CNTN2: variants seen among roughly 807,000 people sequenced by gnomAD.
CNTN2 encodes contactin 2, also known as contactin-2.
In CNTN2, 53 loss-of-function variants were observed where a neutral mutation model predicts 117.5. The observed-to-expected ratio is 0.45, with a 90% confidence interval of 0.36 to 0.57. CNTN2 has a LOEUF of 0.57. Among genes scored for constraint, CNTN2 ranks in the 20% least tolerant of loss-of-function variants. The pLI, the probability that CNTN2 is intolerant of heterozygous loss-of-function variation, is 0.00. For missense variants in CNTN2, 1,106 were observed against 1,404.3 expected (o/e 0.79, Z 3.39); for synonymous variants, 530 against 561.7 (o/e 0.94, Z 0.80).
In CNTN2 at chr1:205,065,776, TC is replaced by T. The variant is rs745728358; in HGVS notation, c.1696-9del. On this transcript the variant is annotated splice_polypyrimidine_tract_variant and intron_variant, in intron 13 of 22. Coordinates refer to ENST00000331830, the MANE Select transcript of CNTN2 (RefSeq NM_005076.5). This position sits in a 1 kb window ranked among gnomAD's most constrained non-coding sequence, Gnocchi z 4.1. ...TGGTCTGACCTGCTGCCCCTAACTGTCCCCGTGTGCAGAAGGAGACCATTGG... is the reference window on the plus strand; with the variant it reads ...TGGTCTGACCTGCTGCCCCTAACTGTCCCGTGTGCAGAAGGAGACCATTGG... 3.1e-6 allele frequency: 3 copies of T among 968,850 alleles called. No individual in the cohort carries two copies. The African/African-American group carries it at 4.8e-5, about 16-fold the overall frequency. The allele number at this position is 968,850 out of a possible 1,614,324, so 60.0% of individuals were successfully genotyped here. A position where few individuals can be genotyped will look rare whatever the true frequency, so the allele number is the denominator to read the frequency against.
chr1:205,045,685 G>A (rs995142889), intron 1 of CNTN2, among the ~76,000 whole-genome samples: 3 of 152,178 alleles, frequency 2.0e-5, no homozygotes, highest in East Asian at 3.9e-4. Flanking sequence ...CCAGGGGGTT[G>A]GAGAAGAGGT....
intron 2 of CNTN2, among the ~76,000 whole-genome samples, chr1:205,056,842 A>C (rs941430670): frequency 1.3e-5 from 2 of 152,188 alleles, no homozygotes; most frequent in African/African-American, 2.4e-5. Context: ...CTGCAGCAGG[A>C]CAATGATGCA....
rs1558553460 is a variant in CNTN2, at chr1:205,069,956, G to A, written c.2326G>A (p.Glu776Lys). ...ADAQYFVYSN[E>K]SVRPYTPFEV... ...TGCCCAGTACTTTGTCTACAGCAAC[G>A]AGAGCGTCCGGCCCTACACGCCCTT... The change falls in exon 18 of 23, where the codon GAG (glutamate) becomes AAG (lysine). Residue 776 changes from glutamate to lysine, a missense_variant. Glu to Lys is a moderately conservative substitution (Grantham distance 56). Coordinates refer to ENST00000331830, the MANE Select transcript of CNTN2 (RefSeq NM_005076.5). 2 of 1,613,742 alleles carry A rather than the reference G, an allele frequency of 1.2e-6. No individual in the cohort carries two copies. Among genetic ancestry groups the A allele is most frequent in the Non-Finnish European group, 1.7e-6 (2 of 1,180,032 alleles).
intron 16 of CNTN2, chr1:205,069,281 G>C: frequency 1.8e-6 from 1 of 558,026 alleles, no homozygotes; most frequent in Non-Finnish European, 3.2e-6. Flanking sequence ...GACTTGCCCA[G>C]GGAAGCACAG....
In CNTN2 at chr1:205,064,308, C is replaced by G; in HGVS notation, c.1241-14C>G. 1 of 1,547,436 alleles carries G rather than the reference C, an allele frequency of 6.5e-7. No individual in the cohort carries two copies. The highest frequency in any genetic ancestry group is 2.1e-5 in the Admixed American group (1 of 48,592). On this transcript the variant is annotated splice_polypyrimidine_tract_variant and intron_variant, in intron 10 of 22. Transcript: ENST00000331830. ...GACAGTACTTTTCTCTGTGGCTCTC[C>G]CCTTTCCTTCTAGCACTCGCCCCTG...
rs778415451 is a variant in CNTN2, at chr1:205,061,292, C to T, written c.845C>T (p.Pro282Leu). ...KWRKVDGSLS[P>L]QWTTAEPTLQ... ...CGCAAAGTGGACGGCTCCCTGTCCC[C>T]GCAGTGGACCACAGCTGAGCCCACC... Residue 282 changes from proline (P) to leucine (L), a missense_variant, in exon 8 of 23, where the codon CCG (proline) becomes CTG (leucine). Physicochemically the swap from Pro to Leu is moderately conservative, Grantham distance 98 (BLOSUM62 -3). Transcript: ENST00000331830. The surrounding 1 kb of genome is among the most constrained non-coding windows in gnomAD (Gnocchi z 4.8). 1.8e-5 allele frequency: 29 copies of T among 1,613,876 alleles called. No individual in the cohort carries two copies. Among genetic ancestry groups the T allele is most frequent in the Middle Eastern group, 3.3e-4 (2 of 6,074 alleles).
rs1245826002 is a variant in CNTN2 at position 205,075,680 on chromosome 1, C to G, written c.*1915C>G. On this transcript the variant is annotated 3_prime_UTR_variant, in exon 23 of 23. Coordinates refer to ENST00000331830, the MANE Select transcript of CNTN2 (RefSeq NM_005076.5). ...CCTTTTCCCTGCCACAGCCAAACCC[C>G]CACTGCACCCTACCCACCCACCCCT... is the stretch of plus-strand genomic sequence containing the variant. 6.6e-6 allele frequency: 1 copy of G among 152,274 alleles called. No individual in the cohort carries two copies. Among genetic ancestry groups the G allele is most frequent in the East Asian group, 1.9e-4 (1 of 5,166 alleles). The allele number at this position is 152,274 out of a possible 1,614,324, so 9.4% of individuals were successfully genotyped here. A position where few individuals can be genotyped will look rare whatever the true frequency, so the allele number is the denominator to read the frequency against.
chr1:205,065,748 C>T lies in CNTN2; in HGVS notation c.1696-41C>T, dbSNP rs778958043. On this transcript the variant is annotated intron_variant, in intron 13 of 22. Coordinates refer to ENST00000331830, the MANE Select transcript of CNTN2 (RefSeq NM_005076.5). This position sits in a 1 kb window ranked among gnomAD's most constrained non-coding sequence, Gnocchi z 4.1. Reference sequence around the variant, plus strand: ...CATGGCCTGCTGCACTGGTCAGGGCCGGTGGTCTGACCTGCTGCCCCTAAC... The same window carrying T: ...CATGGCCTGCTGCACTGGTCAGGGCTGGTGGTCTGACCTGCTGCCCCTAAC... The T allele has an allele frequency of 3.1e-6, 5 of 1,613,528 alleles. No individual in the cohort carries two copies. Among genetic ancestry groups the T allele is most frequent in the East Asian group, 2.2e-5 (1 of 44,868 alleles).
At chr1:205,062,370 C>T (rs536703590) in intron 9 of CNTN2, 70 bp from the exon 10 acceptor site, 5 of 1,544,146 alleles carry the variant, frequency 3.2e-6, no homozygotes, top group African/African-American at 1.4e-5. Context: ...CTGCTCCCAC[C>T]CCTGCCAACC....
intron 1 of CNTN2, among the ~76,000 whole-genome samples, chr1:205,049,282 ACACACACAC>A (rs1558534841): frequency 2.5e-3 from 120 of 48,872 alleles, no homozygotes; most frequent in African/African-American, 0.01. Flanking sequence ...CTCACACCCG[ACACACACAC>A]ACACACACAC....
intron 1 of CNTN2, among the ~76,000 whole-genome samples, chr1:205,045,027 C>A (rs192504544): frequency 1.2e-4 from 18 of 152,280 alleles, no homozygotes; most frequent in Non-Finnish European, 2.2e-4. Context: ...GGAGGTGAGA[C>A]AGACAGGAAA....
In CNTN2 at chr1:205,065,799, T is replaced by C. The variant is rs372229713; in HGVS notation, c.1706T>C (p.Ile569Thr). 9.8e-5 allele frequency: 143 copies of C among 1,457,688 alleles called. No homozygotes were observed. Among genetic ancestry groups the C allele is most frequent in the African/African-American group, 1.9e-4 (13 of 68,260 alleles). 90.3% of individuals were successfully genotyped at this position (1,457,688 alleles called of 1,614,324 possible). A position where few individuals can be genotyped will look rare whatever the true frequency, so the allele number is the denominator to read the frequency against. ...TGTCCCCGTGTGCAGAAGGAGACCATTGGGGATCTGACCATCCTGAACGCC... is the reference window on the plus strand; with the variant it reads ...TGTCCCCGTGTGCAGAAGGAGACCACTGGGGATCTGACCATCCTGAACGCC... ...HYRRTNVKETIGDLTILNAQL... is the reference protein window; with the variant it reads ...HYRRTNVKETTGDLTILNAQL... Residue 569 changes from isoleucine (I) to threonine (T), a missense_variant, in exon 14 of 23, where the codon ATT (isoleucine) becomes ACT (threonine). Physicochemically the swap from Ile to Thr is moderately conservative, Grantham distance 89 (BLOSUM62 -1). Transcript: ENST00000331830. The surrounding 1 kb of genome is among the most constrained non-coding windows in gnomAD (Gnocchi z 4.1).
Position 205,065,679 on chromosome 1 carries a change from TG to T in CNTN2, c.1696-108del. 1.0e-6 allele frequency: 1 copy of T among 968,558 alleles called. No individual in the cohort carries two copies. Among genetic ancestry groups the T allele is most frequent in the Non-Finnish European group, 1.5e-6 (1 of 663,374 alleles). The allele number at this position is 968,558 out of a possible 1,614,324, so 60.0% of individuals were successfully genotyped here. A position where few individuals can be genotyped will look rare whatever the true frequency, so the allele number is the denominator to read the frequency against. ...GAAAACTGAGATCCAGTGGGGTCCATGGATGTCATGGAGTAGGGGACTCCCA... is the reference window on the plus strand; with the variant it reads ...GAAAACTGAGATCCAGTGGGGTCCATGATGTCATGGAGTAGGGGACTCCCA... On this transcript the variant is annotated intron_variant, in intron 13 of 22. Coordinates refer to ENST00000331830, the MANE Select transcript of CNTN2 (RefSeq NM_005076.5). The surrounding 1 kb of genome is among the most constrained non-coding windows in gnomAD (Gnocchi z 4.1).
In CNTN2 at chr1:205,058,473, G is replaced by T; in HGVS notation, c.392-95G>T. 6.4e-7 allele frequency: 1 copy of T among 1,550,412 alleles called. No homozygotes were observed. The highest frequency in any genetic ancestry group is 8.8e-7 in the Non-Finnish European group (1 of 1,130,676). On this transcript the variant is annotated intron_variant, in intron 4 of 22. Coordinates refer to ENST00000331830, the MANE Select transcript of CNTN2 (RefSeq NM_005076.5). This position sits in a 1 kb window ranked among gnomAD's most constrained non-coding sequence, Gnocchi z 4.3. ...GGGCCTTCCTGACCTCACATGACAT[G>T]CCTTAGTGAACTGCTGCTTCTCCGT...
intron 20 of CNTN2, 129 bp downstream of exon 20, chr1:205,072,262 A>G (rs537483297): frequency 1.0e-4 from 105 of 1,000,770 alleles, no homozygotes; most frequent in Non-Finnish European, 1.5e-4. Context: ...GAAATTAGGC[A>G]GCGAGCCTAA....
In CNTN2 at chr1:205,058,306, C is replaced by A; in HGVS notation, c.341C>A (p.Ser114Tyr). The stretch of plus-strand genomic sequence containing the variant: ...GCCGGGGTCTACCAGTGCCTGGCCT[C>A]CAACCCAGTGGGCACCGTTGTCAGC... ...QDAGVYQCLA[S>Y]NPVGTVVSRE... The change falls in exon 4 of 23, where the codon TCC becomes TAC. Residue 114 changes from serine (S) to tyrosine (Y), a missense_variant. By Grantham distance (144) the Ser-to-Tyr change is moderately radical. Coordinates refer to ENST00000331830, the MANE Select transcript of CNTN2 (RefSeq NM_005076.5). This position sits in a 1 kb window ranked among gnomAD's most constrained non-coding sequence, Gnocchi z 4.3. 2 of 1,529,022 alleles carry A rather than the reference C, an allele frequency of 1.3e-6. No individual in the cohort carries two copies. Among genetic ancestry groups the A allele is most frequent in the Non-Finnish European group, 1.8e-6 (2 of 1,136,926 alleles). 94.7% of individuals were successfully genotyped at this position (1,529,022 alleles called of 1,614,324 possible).
Position 205,078,269 on chromosome 1 carries a change from A to T in CNTN2, c.*4504A>T, listed in dbSNP as rs533739136. ...GGCTTTACCTAATACAGTGGCAGTA[A>T]ACAATGCTTATGTGATGGTACTGCT... On this transcript the variant is annotated 3_prime_UTR_variant, in exon 23 of 23. Transcript: ENST00000331830. 5 of 152,348 alleles carry T rather than the reference A, an allele frequency of 3.3e-5. No homozygotes were observed. In the East Asian group the frequency reaches 9.6e-4, roughly 29 times the overall value. The allele number at this position is 152,348 out of a possible 1,614,324, so 9.4% of individuals were successfully genotyped here.
chr1:205,059,006 C>A lies in CNTN2; in HGVS notation c.488-78C>A. ...TCAGGACAGGGCTTGCAGAACCGCA[C>A]CAGCATGCTGGGGTCCCACCCAGAG... On this transcript the variant is annotated intron_variant, in intron 5 of 22. Coordinates refer to ENST00000331830, the MANE Select transcript of CNTN2 (RefSeq NM_005076.5). This position sits in a 1 kb window ranked among gnomAD's most constrained non-coding sequence, Gnocchi z 5.6. 3 of 1,330,860 alleles carry A rather than the reference C, an allele frequency of 2.3e-6. No homozygotes were observed. In the South Asian group the frequency reaches 3.8e-5, roughly 17 times the overall value. 82.4% of individuals were successfully genotyped at this position (1,330,860 alleles called of 1,614,324 possible).
Position 205,067,474 on chromosome 1 carries a change from A to C in CNTN2, c.2125+224A>C, listed in dbSNP as rs1287600326. On this transcript the variant is annotated intron_variant, in intron 16 of 22. Coordinates refer to ENST00000331830, the MANE Select transcript of CNTN2 (RefSeq NM_005076.5). ...TCATTTAAAAACTGGCCAACCTTAC[A>C]ACTGCATGTGCATCTATAATTTTTT... is the stretch of plus-strand genomic sequence containing the variant. The C allele has an allele frequency of 8.8e-6, 4 of 455,496 alleles. No individual in the cohort carries two copies. In the Admixed American group the frequency reaches 1.6e-4, roughly 18 times the overall value. The allele number at this position is 455,496 out of a possible 1,614,324, so 28.2% of individuals were successfully genotyped here. A position where few individuals can be genotyped will look rare whatever the true frequency, so the allele number is the denominator to read the frequency against.
Sources: gnomAD v4.1 joint callset for allele counts (sites outside exome capture counted in the v4.1 genomes callset) on GRCh38, gnomAD v4.1.1 for gene constraint, Gnocchi (gnomAD v3.1) non-coding constraint, MANE v1.5 for transcripts, NCBI Gene and HGNC (gene_info 2026-07-23, HGNC 2026-07-21) for gene names.